The following AP1B1 variants were observed in gnomAD, a reference collection of about 807,000 sequenced individuals.
The protein encoded by AP1B1 is AP-1 complex subunit beta-1.
In AP1B1, 36 loss-of-function variants were observed where a neutral mutation model predicts 104.3. The ratio of observed to expected loss-of-function variants is 0.35; its 90% CI spans 0.26 to 0.46. AP1B1 has a LOEUF of 0.46. Ranked by LOEUF, AP1B1 falls within the 20% of genes least tolerant of loss-of-function variation. The probability of loss-of-function intolerance (pLI) is 1.00; values close to 1 mark genes in which losing one functional copy is unlikely to be tolerated. For missense variants in AP1B1, 901 were observed against 1,247.9 expected (o/e 0.72, Z 4.19); for synonymous variants, 504 against 517.5 (o/e 0.97, Z 0.35).
At chr22:29,349,767 C>T (rs188279245) in intron 10 of AP1B1, among the ~76,000 whole-genome samples, 36 of 152,306 alleles carry the variant, frequency 2.4e-4, no homozygotes, top group Non-Finnish European at 4.0e-4. Flanking sequence ...CCACCCGCCT[C>T]GGCCTCCCAA....
chr22:29,387,763 C>T (rs1369963468), intron 1 of AP1B1, among the ~76,000 whole-genome samples: 2 of 152,210 alleles, frequency 1.3e-5, no homozygotes, highest in African/African-American at 4.8e-5. Context: ...GCCTCAGGGT[C>T]CTCATCGATA....
At position 29,362,879 on chromosome 22, in the gene AP1B1, G is replaced by T. The variant is rs1645371393; in HGVS notation, c.143+122C>A. 5 of 670,220 alleles carry T rather than the reference G, an allele frequency of 7.5e-6. No homozygotes were observed. The South Asian group carries it at 8.8e-5, about 12-fold the overall frequency. 41.5% of individuals were successfully genotyped at this position (670,220 alleles called of 1,614,324 possible). On this transcript the variant is annotated intron_variant, in intron 3 of 22. Coordinates refer to ENST00000357586, the MANE Select transcript of AP1B1 (RefSeq NM_001127.4). Reference sequence around the variant, plus strand: ...TATTGGGAAGAAAGTTTTATGAAGGGAGCTGTATGAGGGGAGACATGGGTC... The same window carrying T: ...TATTGGGAAGAAAGTTTTATGAAGGTAGCTGTATGAGGGGAGACATGGGTC...
chr22:29,379,607 T>C (rs2062405235), intron 1 of AP1B1, among the ~76,000 whole-genome samples: 1 of 152,092 alleles, frequency 6.6e-6, no homozygotes. Context: ...CTCTTACAGA[T>C]TTAGAGGCCA....
intron 1 of AP1B1, among the ~76,000 whole-genome samples, chr22:29,369,141 G>A (rs567697073): frequency 5.9e-5 from 9 of 152,130 alleles, no homozygotes; most frequent in East Asian, 1.9e-4. Flanking sequence ...ATTACTATAC[G>A]GGGGCAAGAT....
At chr22:29,383,920 T>C (rs1334767991) in intron 1 of AP1B1, among the ~76,000 whole-genome samples, 1 of 151,956 alleles carries the variant, frequency 6.6e-6, no homozygotes, top group Admixed American at 6.6e-5. Flanking sequence ...AGAGGTCAAG[T>C]CCAAGGCTAA....
chr22:29,343,154 T>C (rs1176647418), intron 11 of AP1B1, among the ~76,000 whole-genome samples: 2 of 152,260 alleles, frequency 1.3e-5, no homozygotes, highest in African/African-American at 4.8e-5. Flanking sequence ...GAAACATCTA[T>C]GCGAGAACAA....
chr22:29,367,280 A>T lies in AP1B1; in HGVS notation c.-27-10T>A, dbSNP rs572308541. 2 of 1,457,984 alleles carry T rather than the reference A, an allele frequency of 1.4e-6. No individual in the cohort carries two copies. The highest frequency in any genetic ancestry group is 1.5e-5 in the African/African-American group (1 of 67,394). The allele number at this position is 1,457,984 out of a possible 1,614,324, so 90.3% of individuals were successfully genotyped here. On this transcript the variant is annotated splice_polypyrimidine_tract_variant and intron_variant, in intron 1 of 22. Coordinates refer to ENST00000357586, the MANE Select transcript of AP1B1 (RefSeq NM_001127.4). ...ATCTGTAGCCAGGCTTCTGCAAGAG[A>T]GAGAAGAGAGGGGTGACTTTCAGTT...
intron 1 of AP1B1, among the ~76,000 whole-genome samples, chr22:29,383,433 G>T (rs930159531): frequency 6.6e-6 from 1 of 152,066 alleles, no homozygotes; most frequent in African/African-American, 2.4e-5. Flanking sequence ...GACCTGGGCC[G>T]GGTGCGGTGG....
At chr22:29,363,977 C>A (rs1234946347) in intron 2 of AP1B1, among the ~76,000 whole-genome samples, 1 of 152,140 alleles carries the variant, frequency 6.6e-6, no homozygotes, top group Non-Finnish European at 1.5e-5. Context: ...AAGACAAAAG[C>A]ATCAAAAACA....
chr22:29,384,487 T>C (rs899017971), intron 1 of AP1B1, among the ~76,000 whole-genome samples: 1 of 152,220 alleles, frequency 6.6e-6, no homozygotes, highest in Non-Finnish European at 1.5e-5. Context: ...CATTCACTCA[T>C]TCAACACCTG....
intron 11 of AP1B1, 47 bp downstream of exon 11, chr22:29,349,171 C>T: frequency 6.3e-7 from 1 of 1,599,892 alleles, no homozygotes; most frequent in African/African-American, 1.3e-5. Flanking sequence ...CACAGTGGGG[C>T]TGAGCTGCCA....
At chr22:29,342,220 G>C (rs2147958861) in intron 12 of AP1B1, 65 bp downstream of exon 12, 3 of 1,380,750 alleles carry the variant, frequency 2.2e-6, no homozygotes, top group Non-Finnish European at 3.0e-6. Context: ...CTAGTTCCTG[G>C]GACAAAAGTT....
intron 1 of AP1B1, among the ~76,000 whole-genome samples, chr22:29,373,963 T>TG (rs2062288863): frequency 7.9e-6 from 1 of 125,846 alleles, no homozygotes; most frequent in African/African-American, 3.0e-5. Flanking sequence ...TTTGGGAGGC[T>TG]GAGGGGGGTG....
At chr22:29,359,098 A>T in intron 4 of AP1B1, 127 bp from the exon 5 acceptor site, 1 of 965,846 alleles carries the variant, frequency 1.0e-6, no homozygotes, top group Non-Finnish European at 1.5e-6. Context: ...GTGGATCTTC[A>T]CCAACTACAG....
At chr22:29,338,372 A>G (rs1203562301) in intron 16 of AP1B1, among the ~76,000 whole-genome samples, 1 of 152,212 alleles carries the variant, frequency 6.6e-6, no homozygotes, top group Admixed American at 6.5e-5. Context: ...AAACACCCAG[A>G]CTGTGGTTGC....
chr22:29,364,150 A>G (rs378720), intron 2 of AP1B1, among the ~76,000 whole-genome samples: 53,731 of 152,014 alleles, frequency 0.35, 10,410 homozygotes, highest in East Asian at 0.67. Context: ...TTCCCACATG[A>G]AGGCCTTTCC....
At position 29,330,716 on chromosome 22, in the gene AP1B1, G is replaced by A. The variant is rs369034576; in HGVS notation, c.2525-7C>T. 6.2e-4 allele frequency: 997 copies of A among 1,609,224 alleles called. 2 individuals carry two copies. The highest frequency in any genetic ancestry group is 7.8e-4 in the Non-Finnish European group (919 of 1,178,780). Reference sequence around the variant, plus strand: ...GCCAGGAACATCTGCCGGTCTGCGGGGTGAGCAGGGTGGGGATGAGAGGCG... The same window carrying A: ...GCCAGGAACATCTGCCGGTCTGCGGAGTGAGCAGGGTGGGGATGAGAGGCG... On this transcript the variant is annotated splice_polypyrimidine_tract_variant and splice_region_variant and intron_variant, in intron 19 of 22. Coordinates refer to ENST00000357586, the MANE Select transcript of AP1B1 (RefSeq NM_001127.4).
intron 11 of AP1B1, among the ~76,000 whole-genome samples, chr22:29,344,642 A>G (rs1267020519): frequency 6.8e-6 from 1 of 146,336 alleles, no homozygotes; most frequent in East Asian, 2.0e-4. Context: ...TTCCTGCCTC[A>G]GCCTCCCGAG....
chr22:29,369,558 T>C (rs189433405), intron 1 of AP1B1, among the ~76,000 whole-genome samples: 3 of 152,344 alleles, frequency 2.0e-5, no homozygotes, highest in Admixed American at 6.5e-5. Flanking sequence ...AGTCCCACAG[T>C]GGGGACTCTA....
Sources: allele counts gnomAD v4.1 joint callset (sites outside exome capture counted in the v4.1 genomes callset), GRCh38; gene constraint gnomAD v4.1.1; transcripts MANE v1.5; gene names NCBI Gene and HGNC (gene_info 2026-07-23, HGNC 2026-07-21).